CNTNAP4: variants seen among roughly 807,000 people sequenced by gnomAD.
CNTNAP4 encodes the protein contactin-associated protein-like 4.
CNTNAP4 carries 98 observed loss-of-function variants against 148.4 expected under a neutral mutation model. The observed-to-expected ratio is 0.66, with a 90% CI of 0.56 to 0.78. The LOEUF (loss-of-function observed/expected upper bound fraction) is 0.78. Ranked by LOEUF, CNTNAP4 falls within the 30% of genes least tolerant of loss-of-function variation. CNTNAP4 has a pLI of 0.00. For missense variants in CNTNAP4, 1,935 were observed against 1,565.6 expected (o/e 1.24, Z -3.98); for synonymous variants, 730 against 565.1 (o/e 1.29, Z -4.14).
At chr16:76,436,902 G>C (rs1053903825) in intron 4 of CNTNAP4, among the ~76,000 whole-genome samples, 3 of 151,966 alleles carry the variant, frequency 2.0e-5, no homozygotes, top group African/African-American at 7.3e-5. Flanking sequence ...TTCTGTTCCT[G>C]TAGAACCACT....
chr16:76,498,328 G>A (rs1359228606), intron 14 of CNTNAP4, among the ~76,000 whole-genome samples: 1 of 152,136 alleles, frequency 6.6e-6, no homozygotes, highest in Non-Finnish European at 1.5e-5. Flanking sequence ...GAAAGAGGAG[G>A]TTGCATTGAG....
chr16:76,375,390 C>T (rs1223399713), intron 3 of CNTNAP4, among the ~76,000 whole-genome samples: 1 of 152,098 alleles, frequency 6.6e-6, no homozygotes, highest in African/African-American at 2.4e-5. Context: ...ACACTGCACT[C>T]CAGCCTAGGT....
At chr16:76,434,663 GT>G (rs1298691625) in intron 4 of CNTNAP4, among the ~76,000 whole-genome samples, 2 of 152,160 alleles carry the variant, frequency 1.3e-5, no homozygotes, top group Non-Finnish European at 2.9e-5. Context: ...ATGTGATATT[GT>G]TTTTCATTTA....
chr16:76,415,622 T>C (rs1281791159), intron 3 of CNTNAP4, among the ~76,000 whole-genome samples: 1 of 141,808 alleles, frequency 7.1e-6, no homozygotes, highest in Non-Finnish European at 1.6e-5. Context: ...TGATGAGTTC[T>C]GATAAATGTA....
intron 17 of CNTNAP4, among the ~76,000 whole-genome samples, chr16:76,530,794 A>G (rs1262055330): frequency 6.6e-6 from 1 of 152,214 alleles, no homozygotes; most frequent in Non-Finnish European, 1.5e-5. Context: ...ACATTGCGTG[A>G]CAAACTTAGA....
intron 3 of CNTNAP4, among the ~76,000 whole-genome samples, chr16:76,415,396 T>A (rs566069914): frequency 6.7e-4 from 102 of 151,270 alleles, no homozygotes; most frequent in African/African-American, 2.1e-3. Context: ...ATTTATAAGT[T>A]CTGCAATATC....
intron 3 of CNTNAP4, among the ~76,000 whole-genome samples, chr16:76,359,560 A>G (rs1443105942): frequency 6.6e-6 from 1 of 152,152 alleles, no homozygotes; most frequent in Non-Finnish European, 1.5e-5. Flanking sequence ...AATATTTTAC[A>G]GTCTATACAG....
At chr16:76,400,599 C>A (rs1453187164) in intron 3 of CNTNAP4, among the ~76,000 whole-genome samples, 1 of 152,146 alleles carries the variant, frequency 6.6e-6, no homozygotes, top group African/African-American at 2.4e-5. Flanking sequence ...ATGTCTTTGT[C>A]ATGAAATCTT....
intron 4 of CNTNAP4, among the ~76,000 whole-genome samples, chr16:76,447,471 A>G (rs1457651157): frequency 6.6e-6 from 1 of 152,106 alleles, no homozygotes; most frequent in Admixed American, 6.5e-5. Context: ...GTCAATAGGG[A>G]ATTAGATGTT....
In CNTNAP4 at chr16:76,533,131, A is replaced by G. The variant is rs116394520; in HGVS notation, c.2756-2414A>G. 4.7e-3 allele frequency among the ~76,000 whole-genome samples: 710 copies of G among 152,300 alleles called. 4 individuals are homozygous for G. Among genetic ancestry groups the G allele is most frequent in the African/African-American group, 0.017 (690 of 41,578 alleles). On this transcript the variant is annotated intron_variant, in intron 17 of 23. Coordinates refer to ENST00000611870, the MANE Select transcript of CNTNAP4 (RefSeq NM_033401.5). ...AATCGATAAAAAAAAAGTGGTGTAT[A>G]TATGTAATGGAATACAATTCAGGCA...
At chr16:76,472,404 A>G (rs570813988) in intron 10 of CNTNAP4, among the ~76,000 whole-genome samples, 1 of 152,196 alleles carries the variant, frequency 6.6e-6, no homozygotes, top group South Asian at 2.1e-4. Flanking sequence ...TAGAAATAAC[A>G]TATGTATCAC....
chr16:76,287,926 C>T (rs1438961896), intron 1 of CNTNAP4, among the ~76,000 whole-genome samples: 1 of 152,138 alleles, frequency 6.6e-6, no homozygotes, highest in Non-Finnish European at 1.5e-5. Context: ...TAAGTTGAGG[C>T]TTATGAACAT....
intron 17 of CNTNAP4, among the ~76,000 whole-genome samples, chr16:76,529,140 A>C (rs1438165807): frequency 6.6e-6 from 1 of 152,170 alleles, no homozygotes; most frequent in African/African-American, 2.4e-5. Context: ...TGCTTTTTAT[A>C]ATAAAATGGA....
chr16:76,335,164 TG>T (rs1963910166), intron 2 of CNTNAP4, among the ~76,000 whole-genome samples: 1 of 152,180 alleles, frequency 6.6e-6, no homozygotes, highest in Non-Finnish European at 1.5e-5. Context: ...TCTGCTTTTC[TG>T]CATGACAGTT....
At chr16:76,451,767 A>G (rs1336783211) in intron 7 of CNTNAP4, among the ~76,000 whole-genome samples, 1 of 152,086 alleles carries the variant, frequency 6.6e-6, no homozygotes, top group Non-Finnish European at 1.5e-5. Context: ...GTTAATGGGT[A>G]CAAAAATATG....
At chr16:76,416,001 G>T (rs1316389684) in intron 3 of CNTNAP4, among the ~76,000 whole-genome samples, 6 of 147,610 alleles carry the variant, frequency 4.1e-5, no homozygotes, top group East Asian at 2.0e-4. Context: ...TTAATTTTTG[G>T]CTTTAATTTG....
chr16:76,318,092 C>G (rs1961998254), intron 2 of CNTNAP4, among the ~76,000 whole-genome samples: 1 of 152,164 alleles, frequency 6.6e-6, no homozygotes, highest in South Asian at 2.1e-4. Flanking sequence ...TCTCTGATGG[C>G]CATTCCAGGC....
chr16:76,544,158 G>A (rs960346378), intron 21 of CNTNAP4, among the ~76,000 whole-genome samples: 2 of 150,272 alleles, frequency 1.3e-5, no homozygotes, highest in African/African-American at 2.4e-5. Context: ...AAATTCTTCT[G>A]TTTTTATAAT....
At chr16:76,285,184 A>G (rs899418465) in intron 1 of CNTNAP4, among the ~76,000 whole-genome samples, 1 of 151,868 alleles carries the variant, frequency 6.6e-6, no homozygotes, top group African/African-American at 2.4e-5. Context: ...CTTCCAGTGA[A>G]TTTTCATTAT....
Sources: allele counts gnomAD v4.1 joint callset (sites outside exome capture counted in the v4.1 genomes callset), GRCh38; gene constraint gnomAD v4.1.1; transcripts MANE v1.5; gene names NCBI Gene and HGNC (gene_info 2026-07-23, HGNC 2026-07-21).